The following XIRP2 variants were observed in gnomAD, a reference collection of about 807,000 sequenced individuals.
XIRP2 encodes xin actin binding repeat containing 2.
A neutral mutation model predicts 277.0 loss-of-function variants in XIRP2; 236 were observed. That is an observed-to-expected ratio of 0.85 (90% CI 0.77 to 0.95). The LOEUF is 0.95. Ranked by LOEUF, XIRP2 falls within the 40% of genes least tolerant of loss-of-function variation. The pLI, the probability that XIRP2 is intolerant of heterozygous loss-of-function variation, is 0.00. For missense variants in XIRP2, 4,640 were observed against 4,157.5 expected (o/e 1.12, Z -3.19); for synonymous variants, 1,490 against 1,416.5 (o/e 1.05, Z -1.17).
chr2:167,119,371 A>G (rs1179726196), intron 2 of XIRP2, among the ~76,000 whole-genome samples: 1 of 152,240 alleles, frequency 6.6e-6, no homozygotes, highest in African/African-American at 2.4e-5. Flanking sequence ...ATACAAATGT[A>G]AAGTCAAAGA....
chr2:167,116,699 T>A (rs1574268693), intron 2 of XIRP2, among the ~76,000 whole-genome samples: 1 of 152,218 alleles, frequency 6.6e-6, no homozygotes, highest in Non-Finnish European at 1.5e-5. Flanking sequence ...TCTTTCATCT[T>A]GTATTAGTTA....
intron 2 of XIRP2, among the ~76,000 whole-genome samples, chr2:166,963,645 T>C (rs1686354250): frequency 6.6e-6 from 1 of 151,730 alleles, no homozygotes; most frequent in Non-Finnish European, 1.5e-5. Flanking sequence ...GGATAAGTTA[T>C]GGCAAAGACA....
chr2:167,189,681 G>A (rs1278034867), intron 3 of XIRP2, among the ~76,000 whole-genome samples: 1 of 152,088 alleles, frequency 6.6e-6, no homozygotes, highest in Non-Finnish European at 1.5e-5. Context: ...TTGTTTATAT[G>A]ACTGTGTGGC....
intron 2 of XIRP2, among the ~76,000 whole-genome samples, chr2:166,926,903 A>G (rs1368169222): frequency 6.6e-6 from 1 of 152,104 alleles, no homozygotes; most frequent in African/African-American, 2.4e-5. Flanking sequence ...ACAGTCAGCA[A>G]TAGCTCAAGA....
chr2:167,068,267 A>C (rs1689350747), intron 2 of XIRP2, among the ~76,000 whole-genome samples: 1 of 152,200 alleles, frequency 6.6e-6, no homozygotes, highest in African/African-American at 2.4e-5. Flanking sequence ...ACAAACAAAC[A>C]CACACAACTC....
chr2:167,230,387 T>C (rs1181413642), intron 5 of XIRP2, among the ~76,000 whole-genome samples: 1 of 152,012 alleles, frequency 6.6e-6, no homozygotes, highest in African/African-American at 2.4e-5. Flanking sequence ...GTTTTTGAGA[T>C]CAAGAAAGAA....
chr2:166,929,645 TC>T (rs1164079557), intron 2 of XIRP2, among the ~76,000 whole-genome samples: 2 of 152,252 alleles, frequency 1.3e-5, no homozygotes, highest in African/African-American at 4.8e-5. Flanking sequence ...ACTTTTTTTT[TC>T]CTTATTCCAT....
intron 2 of XIRP2, among the ~76,000 whole-genome samples, chr2:167,031,872 T>C (rs1178652179): frequency 6.6e-6 from 1 of 152,090 alleles, no homozygotes; most frequent in East Asian, 1.9e-4. Context: ...AAAATGGCCA[T>C]ACTGCCCAAA....
At chr2:167,082,395 G>A (rs1037066267) in intron 2 of XIRP2, among the ~76,000 whole-genome samples, 12 of 151,940 alleles carry the variant, frequency 7.9e-5, no homozygotes, top group Middle Eastern at 3.4e-3. Flanking sequence ...GAATAATGCC[G>A]CAATAAACAT....
At chr2:166,988,285 C>T (rs1298742349) in intron 2 of XIRP2, among the ~76,000 whole-genome samples, 1 of 152,168 alleles carries the variant, frequency 6.6e-6, no homozygotes, top group African/African-American at 2.4e-5. Flanking sequence ...AAGGGACATT[C>T]TACTAACTGC....
chr2:167,049,666 A>G (rs1397209801), intron 2 of XIRP2, among the ~76,000 whole-genome samples: 1 of 152,066 alleles, frequency 6.6e-6, no homozygotes, highest in Non-Finnish European at 1.5e-5. Flanking sequence ...TCCACGATGA[A>G]GAAAAGCAAA....
chr2:167,243,697 A>C lies in XIRP2; in HGVS notation c.2305A>C (p.Thr769Pro). ...REDVEKGDVR[T>P]ARWMFETQPL... The stretch of plus-strand genomic sequence containing the variant: ...AGACGTTGAAAAGGGAGATGTAAGA[A>C]CAGCACGGTGGATGTTTGAAACACA... The change falls in exon 9 of 11, where the codon ACA (threonine) becomes CCA (proline). Residue 769 changes from threonine to proline, a missense_variant. Thr to Pro is a conservative substitution (Grantham distance 38, BLOSUM62 -1). Coordinates refer to ENST00000409195, the MANE Select transcript of XIRP2 (RefSeq NM_152381.6). The C allele has an allele frequency of 6.2e-7, 1 of 1,614,108 alleles. No homozygotes were observed.
intron 2 of XIRP2, among the ~76,000 whole-genome samples, chr2:167,128,347 G>C (rs539626067): frequency 5.3e-5 from 8 of 152,238 alleles, no homozygotes; most frequent in African/African-American, 1.9e-4. Flanking sequence ...GGTCTAAACT[G>C]TGTGCGTCCA....
intron 3 of XIRP2, among the ~76,000 whole-genome samples, chr2:167,149,228 C>A (rs1691944641): frequency 6.6e-6 from 1 of 152,082 alleles, no homozygotes; most frequent in African/African-American, 2.4e-5. Context: ...AAGCTTCAAA[C>A]CTGTAACTTA....
rs749902486 is a variant in XIRP2, at chr2:167,250,322, A to G, written c.8930A>G (p.Gln2977Arg). Residue 2977 changes from glutamine (Q) to arginine (R), a missense_variant, in exon 9 of 11, where the codon CAG becomes CGG. Transcript: ENST00000409195. ...AATAAAAGTGGCCTTAAAACATTTC[A>G]GACACTATTAAATACTATCCCAGGA... ...EPNKSGLKTF[Q>R]TLLNTIPGWL... The G allele has an allele frequency of 6.2e-7, 1 of 1,613,434 alleles. No individual in the cohort carries two copies.
rs1695138659 is a variant in XIRP2 at position 167,243,430 on chromosome 2, A to G, written c.2038A>G (p.Ile680Val). ...AAGTCAAGAAGAATCAGCGGTAACTATCAGTAAGGACATAACTGGGGGGGA... is the reference window on the plus strand; with the variant it reads ...AAGTCAAGAAGAATCAGCGGTAACTGTCAGTAAGGACATAACTGGGGGGGA... ...HQSQEESAVT[I>V]SKDITGGDVK... The change falls in exon 9 of 11, where the codon ATC becomes GTC. Residue 680 changes from isoleucine (I) to valine (V), a missense_variant. Ile to Val is a conservative substitution (Grantham distance 29, BLOSUM62 3). Transcript: ENST00000409195. 2.5e-6 allele frequency: 4 copies of G among 1,613,962 alleles called. No individual in the cohort carries two copies. The highest frequency in any genetic ancestry group is 2.7e-5 in the African/African-American group (2 of 74,906).
Position 167,218,185 on chromosome 2 carries a change from T to C in XIRP2, c.743T>C (p.Met248Thr). ...TCCTAGATGATGGAAGAATCAGAAATGTGCGCAGTGCCTGGTGGTTTGGCC... is the reference window on the plus strand; with the variant it reads ...TCCTAGATGATGGAAGAATCAGAAACGTGCGCAGTGCCTGGTGGTTTGGCC... ...FSANMMEESE[M>T]CAVPGGLAKV... Residue 248 changes from methionine (M) to threonine (T), a missense_variant, in exon 5 of 11, where the codon ATG becomes ACG. By Grantham distance (81) the Met-to-Thr change is moderately conservative. Transcript: ENST00000409195. The C allele has an allele frequency of 6.3e-7, 1 of 1,596,846 alleles. No homozygotes were observed. Among genetic ancestry groups the C allele is most frequent in the South Asian group, 1.1e-5 (1 of 87,690 alleles).
rs1397308081 is a variant in XIRP2 at position 167,251,004 on chromosome 2, G to A, written c.9612G>A (p.Pro3204=). Residue 3204 remains proline, a synonymous_variant, in exon 9 of 11, where the codon CCG becomes CCA. Transcript: ENST00000409195. ...KGAIPCPAAT[P]VPIVEKRSEI... is the part of the protein sequence containing the mutation. ...CCATCCCATGTCCAGCAGCAACCCC[G>A]GTTCCAATTGTAGAGAAGAGGTCTG... is the stretch of plus-strand genomic sequence containing the variant. 3.1e-6 allele frequency: 5 copies of A among 1,613,562 alleles called. No individual in the cohort carries two copies. Among genetic ancestry groups the A allele is most frequent in the Non-Finnish European group, 4.2e-6 (5 of 1,179,716 alleles).
chr2:167,234,571 G>C lies in XIRP2; in HGVS notation c.859-5284G>C, dbSNP rs139604635. Among the ~76,000 whole-genome samples, 235 of 151,604 alleles carry C rather than the reference G, an allele frequency of 1.6e-3. 3 individuals carry two copies. The East Asian group carries it at 0.02, about 13-fold the overall frequency. On this transcript the variant is annotated intron_variant, in intron 5 of 10. Transcript: ENST00000409195. The stretch of plus-strand genomic sequence containing the variant: ...AAGGTCACTCTTGTTTAAAAATTTA[G>C]TGCTTTCAAAGAAAAAAGTCACTAC...
Sources: gnomAD v4.1 joint callset for allele counts (sites outside exome capture counted in the v4.1 genomes callset) on GRCh38, gnomAD v4.1.1 for gene constraint, MANE v1.5 for transcripts, NCBI Gene and HGNC (gene_info 2026-07-23, HGNC 2026-07-21) for gene names.